The following STXBP5L variants were observed in gnomAD, a reference collection of about 807,000 sequenced individuals.
STXBP5L encodes syntaxin-binding protein 5-like.
Under a neutral mutation model 144.5 loss-of-function variants are expected in STXBP5L, and 65 were observed. The observed-to-expected ratio is 0.45, with a 90% CI of 0.37 to 0.55. STXBP5L has a LOEUF of 0.55. Ranked by LOEUF, STXBP5L falls within the 20% of genes least tolerant of loss-of-function variation. The pLI is 0.00. For missense variants in STXBP5L, 1,298 were observed against 1,405.5 expected (o/e 0.92, Z 1.22); for synonymous variants, 505 against 469.6 (o/e 1.08, Z -0.97).
At chr3:121,235,832 C>CAT (rs2049459726) in intron 12 of STXBP5L, among the ~76,000 whole-genome samples, 4 of 139,384 alleles carry the variant, frequency 2.9e-5, no homozygotes, top group Admixed American at 7.9e-5. Flanking sequence ...CACACACACA[C>CAT]ACACACACAT....
At chr3:121,306,978 C>G (rs536610840) in intron 19 of STXBP5L, among the ~76,000 whole-genome samples, 30 of 152,102 alleles carry the variant, frequency 2.0e-4, no homozygotes, top group Non-Finnish European at 3.5e-4. Context: ...CAGAGGCAGA[C>G]AGGTTAACAG....
intron 3 of STXBP5L, among the ~76,000 whole-genome samples, chr3:121,022,274 T>A (rs1379715846): frequency 1.3e-5 from 2 of 152,006 alleles, no homozygotes; most frequent in Non-Finnish European, 2.9e-5. Flanking sequence ...AGATTGAAAT[T>A]GTAATTAAAA....
At chr3:121,330,521 T>C (rs2044289553) in intron 20 of STXBP5L, among the ~76,000 whole-genome samples, 1 of 152,050 alleles carries the variant, frequency 6.6e-6, no homozygotes, top group Non-Finnish European at 1.5e-5. Context: ...CTTTTGGGAG[T>C]TCTATGACCC....
At chr3:121,177,148 C>A (rs1211294330) in intron 9 of STXBP5L, among the ~76,000 whole-genome samples, 1 of 151,940 alleles carries the variant, frequency 6.6e-6, no homozygotes, top group African/African-American at 2.4e-5. Flanking sequence ...AGCATCACAA[C>A]ATATATTAAA....
chr3:121,423,832 T>G lies in STXBP5L; in HGVS notation c.*4735T>G, dbSNP rs1360933885. 1 of 152,224 alleles carries G rather than the reference T, an allele frequency of 6.6e-6. No individual in the cohort carries two copies. Among genetic ancestry groups the G allele is most frequent in the African/African-American group, 2.4e-5 (1 of 41,470 alleles). 9.4% of individuals were successfully genotyped at this position (152,224 alleles called of 1,614,324 possible). ...AAGATGTAAGATATAGTAATGGTAT[T>G]TATTCTGTATGTCTCACAGAACAAA... is the stretch of plus-strand genomic sequence containing the variant. On this transcript the variant is annotated 3_prime_UTR_variant, in exon 27 of 27. Coordinates refer to ENST00000471454, the MANE Select transcript of STXBP5L (RefSeq NM_001308330.2).
At chr3:121,274,677 G>A (rs2050827557) in intron 18 of STXBP5L, among the ~76,000 whole-genome samples, 3 of 152,302 alleles carry the variant, frequency 2.0e-5, no homozygotes, top group South Asian at 4.1e-4. Context: ...GGGCACAGGT[G>A]CATTTTTTTT....
intron 11 of STXBP5L, among the ~76,000 whole-genome samples, chr3:121,225,304 G>A (rs2049087446): frequency 6.6e-6 from 1 of 151,970 alleles, no homozygotes; most frequent in Admixed American, 6.6e-5. Context: ...TTGTGCCCCA[G>A]GACTCTCGGG....
intron 7 of STXBP5L, among the ~76,000 whole-genome samples, chr3:121,151,596 A>G (rs2045934463): frequency 6.6e-6 from 1 of 152,116 alleles, no homozygotes; most frequent in Admixed American, 6.6e-5. Context: ...ATACATCTTT[A>G]TCCAGTGTAT....
At chr3:121,040,576 G>C (rs968070348) in intron 3 of STXBP5L, among the ~76,000 whole-genome samples, 2 of 152,008 alleles carry the variant, frequency 1.3e-5, no homozygotes, top group Admixed American at 6.6e-5. Context: ...ATTTGAGGAA[G>C]ACCCTTCTGC....
chr3:121,169,918 T>C (rs1264598086), intron 9 of STXBP5L, among the ~76,000 whole-genome samples: 1 of 152,182 alleles, frequency 6.6e-6, no homozygotes, highest in Non-Finnish European at 1.5e-5. Flanking sequence ...ACACTGCACT[T>C]ATTCTAAAAT....
At chr3:121,243,035 A>C (rs2049720341) in intron 14 of STXBP5L, among the ~76,000 whole-genome samples, 1 of 152,198 alleles carries the variant, frequency 6.6e-6, no homozygotes. Flanking sequence ...CCAAGCTGGC[A>C]GAGCTCACAA....
At chr3:121,140,920 T>C (rs1460325609) in intron 7 of STXBP5L, among the ~76,000 whole-genome samples, 1 of 152,190 alleles carries the variant, frequency 6.6e-6, no homozygotes, top group African/African-American at 2.4e-5. Flanking sequence ...GATAACTATG[T>C]GAGGGAATGC....
chr3:121,108,096 C>G (rs1393756742), intron 5 of STXBP5L, among the ~76,000 whole-genome samples: 1 of 152,102 alleles, frequency 6.6e-6, no homozygotes, highest in African/African-American at 2.4e-5. Flanking sequence ...TGCTTATCAG[C>G]TTAAGAAGCT....
At chr3:121,116,049 A>T (rs2044218274) in intron 6 of STXBP5L, among the ~76,000 whole-genome samples, 2 of 152,166 alleles carry the variant, frequency 1.3e-5, no homozygotes, top group African/African-American at 4.8e-5. Context: ...ACAATTCAAC[A>T]TGAGCTTTGG....
intron 5 of STXBP5L, among the ~76,000 whole-genome samples, chr3:121,047,631 T>C (rs1259483045): frequency 6.6e-6 from 1 of 152,208 alleles, no homozygotes; most frequent in African/African-American, 2.4e-5. Context: ...TTTTTTGATC[T>C]TTGTTAGCTT....
At chr3:121,059,108 C>A (rs532012296) in intron 5 of STXBP5L, among the ~76,000 whole-genome samples, 4 of 152,124 alleles carry the variant, frequency 2.6e-5, no homozygotes, top group Admixed American at 2.6e-4. Flanking sequence ...GATTTTAGGT[C>A]TTACGTTTAA....
intron 20 of STXBP5L, among the ~76,000 whole-genome samples, chr3:121,329,134 G>C (rs571695270): frequency 6.6e-6 from 1 of 151,984 alleles, no homozygotes; most frequent in Non-Finnish European, 1.5e-5. Flanking sequence ...GGCTTCTCTT[G>C]TATGGAAAAT....
At position 121,422,437 on chromosome 3, in the gene STXBP5L, A is replaced by G. The variant is rs892748561; in HGVS notation, c.*3340A>G. 2 of 152,106 alleles carry G rather than the reference A, an allele frequency of 1.3e-5. No individual in the cohort carries two copies. Among genetic ancestry groups the G allele is most frequent in the Non-Finnish European group, 2.9e-5 (2 of 68,020 alleles). 9.4% of individuals were successfully genotyped at this position (152,106 alleles called of 1,614,324 possible). ...GTTACAGTAGAAAATGGGCCTTTTC[A>G]TTTATTCATCTGTGAGAAGCTAGAG... On this transcript the variant is annotated 3_prime_UTR_variant, in exon 27 of 27. Coordinates refer to ENST00000471454, the MANE Select transcript of STXBP5L (RefSeq NM_001308330.2).
At chr3:121,306,289 C>G (rs1306229274) in intron 19 of STXBP5L, among the ~76,000 whole-genome samples, 1 of 152,094 alleles carries the variant, frequency 6.6e-6, no homozygotes, top group Admixed American at 6.5e-5. Context: ...CCTCCAACTC[C>G]AAGTTGAAGA....
Sources: gnomAD v4.1 joint callset for allele counts (sites outside exome capture counted in the v4.1 genomes callset) on GRCh38, gnomAD v4.1.1 for gene constraint, MANE v1.5 for transcripts, NCBI Gene and HGNC (gene_info 2026-07-23, HGNC 2026-07-21) for gene names.